The following ADK variants were observed in gnomAD, a reference collection of about 807,000 sequenced individuals.
ADK encodes N6,N6-dimethyladenosine kinase.
In ADK, 24 loss-of-function variants were observed where a neutral mutation model predicts 44.7. That is an observed-to-expected ratio of 0.54 (90% CI 0.39 to 0.76). ADK has a LOEUF of 0.76. Ranked by LOEUF, ADK falls within the 30% of genes least tolerant of loss-of-function variation. ADK has a pLI of 0.00. For missense variants in ADK, 321 were observed against 425.1 expected (o/e 0.76, Z 2.15); for synonymous variants, 128 against 142.6 (o/e 0.90, Z 0.73).
intron 10 of ADK, among the ~76,000 whole-genome samples, chr10:74,691,642 A>T (rs1855993088): frequency 6.6e-6 from 1 of 152,190 alleles, no homozygotes; most frequent in South Asian, 2.1e-4. Flanking sequence ...GTCTGAGGTA[A>T]ATTCTCCATG....
intron 7 of ADK, among the ~76,000 whole-genome samples, chr10:74,554,680 C>T (rs765250141): frequency 7.2e-5 from 11 of 151,794 alleles, no homozygotes; most frequent in Non-Finnish European, 1.3e-4. Context: ...CACAATGGCT[C>T]ATGCCTGAAA....
At chr10:74,349,299 A>G (rs145413123) in intron 4 of ADK, among the ~76,000 whole-genome samples, 300 of 152,346 alleles carry the variant, frequency 2.0e-3, no homozygotes, top group African/African-American at 7.0e-3. Context: ...CCAGAATTTC[A>G]TATCCAGCCA....
chr10:74,660,548 G>A (rs905504368), intron 9 of ADK, among the ~76,000 whole-genome samples: 3 of 151,178 alleles, frequency 2.0e-5, no homozygotes, highest in East Asian at 1.9e-4. Flanking sequence ...GACCAGCCTG[G>A]GCAACATGAC....
At chr10:74,408,186 T>G (rs569122793) in intron 6 of ADK, among the ~76,000 whole-genome samples, 15 of 150,834 alleles carry the variant, frequency 9.9e-5, no homozygotes, top group African/African-American at 3.4e-4. Flanking sequence ...TGAGATGAGG[T>G]TTCACCATTT....
chr10:74,582,858 A>G (rs1327489566), intron 7 of ADK, among the ~76,000 whole-genome samples: 1 of 152,098 alleles, frequency 6.6e-6, no homozygotes, highest in Non-Finnish European at 1.5e-5. Flanking sequence ...CAGGTTGAAA[A>G]TCTCCAAAAA....
intron 7 of ADK, among the ~76,000 whole-genome samples, chr10:74,553,687 T>C (rs1850135206): frequency 6.6e-6 from 1 of 152,150 alleles, no homozygotes; most frequent in Non-Finnish European, 1.5e-5. Flanking sequence ...AGAAAGTAGT[T>C]TCCTTTTTGT....
chr10:74,704,787 G>A (rs983763543), intron 10 of ADK, among the ~76,000 whole-genome samples: 4 of 152,188 alleles, frequency 2.6e-5, no homozygotes, highest in Non-Finnish European at 4.4e-5. Context: ...CTTATAAGGC[G>A]TCTAATAGAC....
chr10:74,530,054 G>T (rs1005920912), intron 7 of ADK, among the ~76,000 whole-genome samples: 1 of 152,098 alleles, frequency 6.6e-6, no homozygotes, highest in Admixed American at 6.5e-5. Flanking sequence ...GTCAAAATCA[G>T]ATTTTTTTAA....
At chr10:74,151,856 G>C (rs993949466) in intron 1 of ADK, among the ~76,000 whole-genome samples, 4 of 152,198 alleles carry the variant, frequency 2.6e-5, no homozygotes, top group African/African-American at 9.6e-5. Flanking sequence ...CAGGGACCCA[G>C]ACCCCTCCGA....
intron 6 of ADK, among the ~76,000 whole-genome samples, chr10:74,457,248 C>T (rs989688947): frequency 2.0e-5 from 3 of 152,202 alleles, no homozygotes; most frequent in Admixed American, 1.3e-4. Flanking sequence ...GGATACATTG[C>T]TGGTCAGATA....
rs768308656 is a variant in ADK at position 74,347,523 on chromosome 10, G to GT, written c.273+32786dup. Among the ~76,000 whole-genome samples, 17 of 151,964 alleles carry GT rather than the reference G, an allele frequency of 1.1e-4. No homozygotes were observed. The East Asian group carries it at 1.9e-3, about 17-fold the overall frequency. On this transcript the variant is annotated intron_variant, in intron 4 of 10. Transcript: ENST00000539909. ...GGCAGACACTTAGCTAGTTGCAGGA[G>GT]TTTTTTTTCGTACCCCAGTGGCACC...
intron 6 of ADK, among the ~76,000 whole-genome samples, chr10:74,464,190 G>T (rs1423311616): frequency 6.6e-6 from 1 of 152,014 alleles, no homozygotes; most frequent in Non-Finnish European, 1.5e-5. Context: ...TATATCCTTT[G>T]TGTTCAAGTT....
intron 9 of ADK, chr10:74,655,470 G>A (rs144336857): frequency 3.2e-4 from 149 of 465,568 alleles, no homozygotes; most frequent in South Asian, 1.9e-3. Context: ...AATGACACTC[G>A]CAACATGCCT....
chr10:74,241,666 A>G (rs1845214585), intron 3 of ADK, among the ~76,000 whole-genome samples: 1 of 152,132 alleles, frequency 6.6e-6, no homozygotes, highest in African/African-American at 2.4e-5. Flanking sequence ...GATTACAGGC[A>G]TGAGACACTG....
At chr10:74,522,592 CT>C (rs1188928625) in intron 6 of ADK, among the ~76,000 whole-genome samples, 18 of 152,062 alleles carry the variant, frequency 1.2e-4, no homozygotes, top group Middle Eastern at 3.4e-3. Flanking sequence ...TTTTTTTAGT[CT>C]TCTTATTGTA....
chr10:74,618,371 G>A (rs1226386388), intron 9 of ADK, among the ~76,000 whole-genome samples: 1 of 151,930 alleles, frequency 6.6e-6, no homozygotes, highest in African/African-American at 2.4e-5. Context: ...GCTCACTGCA[G>A]CCTCCACCTT....
chr10:74,602,869 A>G (rs542430043), intron 9 of ADK, among the ~76,000 whole-genome samples: 1 of 152,318 alleles, frequency 6.6e-6, no homozygotes, highest in African/African-American at 2.4e-5. Flanking sequence ...ATAAATGTCA[A>G]TAATAAAAGA....
intron 10 of ADK, among the ~76,000 whole-genome samples, chr10:74,690,916 A>C (rs1855969060): frequency 1.3e-5 from 2 of 152,122 alleles, no homozygotes; most frequent in Admixed American, 1.3e-4. Flanking sequence ...CCAGATTTTC[A>C]CTTTCTTTTG....
At chr10:74,578,237 A>G (rs1005456922) in intron 7 of ADK, among the ~76,000 whole-genome samples, 12 of 152,226 alleles carry the variant, frequency 7.9e-5, no homozygotes, top group African/African-American at 2.9e-4. Context: ...AGCACTGATC[A>G]GTGAATTCTT....
Sources: allele counts gnomAD v4.1 joint callset (sites outside exome capture counted in the v4.1 genomes callset), GRCh38; gene constraint gnomAD v4.1.1; transcripts MANE v1.5; gene names NCBI Gene and HGNC (gene_info 2026-07-23, HGNC 2026-07-21).